Variants in FAM135A observed in about 807,000 individuals in gnomAD.
FAM135A encodes protein FAM135A.
Under a neutral mutation model 146.8 loss-of-function variants are expected in FAM135A, and 79 were observed. The ratio of observed to expected loss-of-function variants is 0.54; its 90% confidence interval spans 0.45 to 0.65. The LOEUF is 0.65. FAM135A is among the 30% of genes least tolerant of loss of function. The probability of loss-of-function intolerance (pLI) is 0.00; values close to 1 mark genes in which losing one functional copy is unlikely to be tolerated. For synonymous variants in FAM135A, 562 were observed against 603.6 expected, an observed-to-expected ratio of 0.93 and a Z score of 1.01; for missense variants, 1,623 against 1,758.2, an observed-to-expected ratio of 0.92 and a Z score of 1.38.
chr6:70,448,198 G>A (rs1263773026), intron 4 of FAM135A, among the ~76,000 whole-genome samples: 2 of 152,096 alleles, frequency 1.3e-5, no homozygotes, highest in Admixed American at 6.5e-5. Flanking sequence ...AGATCTGGAG[G>A]GTCAGGCCAC....
chr6:70,430,693 T>C (rs1771379705), intron 4 of FAM135A, among the ~76,000 whole-genome samples: 1 of 152,216 alleles, frequency 6.6e-6, no homozygotes, highest in African/African-American at 2.4e-5. Flanking sequence ...ACATCTTAAT[T>C]CTTTTAGTGA....
intron 10 of FAM135A, among the ~76,000 whole-genome samples, chr6:70,490,466 G>C (rs1051751207): frequency 1.3e-5 from 2 of 151,870 alleles, no homozygotes; most frequent in African/African-American, 4.8e-5. Context: ...AAGTAAATCA[G>C]AATTCTATGC....
At chr6:70,476,348 A>G (rs983973779) in intron 7 of FAM135A, among the ~76,000 whole-genome samples, 5 of 152,176 alleles carry the variant, frequency 3.3e-5, no homozygotes, top group African/African-American at 1.2e-4. Flanking sequence ...AGTTTTAGCA[A>G]TAATTCTCAA....
At position 70,491,121 on chromosome 6, in the gene FAM135A, T is replaced by G. The variant is rs375716098; in HGVS notation, c.873+38T>G. Reference sequence around the variant, plus strand: ...TTTAAATTCACATCATCAAGTTATTTGAGTGGTTTCTGTTTCCTATTCTAA... The same window carrying G: ...TTTAAATTCACATCATCAAGTTATTGGAGTGGTTTCTGTTTCCTATTCTAA... On this transcript the variant is annotated intron_variant, in intron 11 of 21. Transcript: ENST00000418814. The G allele has an allele frequency of 1.3e-5, 19 of 1,497,706 alleles. No homozygotes were observed. The African/African-American group carries it at 2.2e-4, about 18-fold the overall frequency. 92.8% of individuals were successfully genotyped at this position (1,497,706 alleles called of 1,614,324 possible).
intron 12 of FAM135A, among the ~76,000 whole-genome samples, chr6:70,507,572 T>G (rs7757691): frequency 1.3e-3 from 192 of 152,274 alleles, no homozygotes; most frequent in African/African-American, 4.2e-3. Flanking sequence ...AATCTATACT[T>G]GAAAAGAACA....
At position 70,475,734 on chromosome 6, in the gene FAM135A, G is replaced by T; in HGVS notation, c.368+1G>T. On this transcript the variant is annotated splice_donor_variant, in intron 7 of 21. Transcript: ENST00000418814. LOFTEE classifies it high-confidence loss of function. ...TACACTTCACAGATGGAGATTATTC[G>T]TAAGTAGCTAATCAATTAAAAAACC... The T allele has an allele frequency of 6.2e-7, 1 of 1,602,086 alleles. No homozygotes were observed. Among genetic ancestry groups the T allele is most frequent in the Non-Finnish European group, 8.5e-7 (1 of 1,172,738 alleles).
At chr6:70,500,820 C>A (rs1788331522) in intron 11 of FAM135A, among the ~76,000 whole-genome samples, 1 of 152,248 alleles carries the variant, frequency 6.6e-6, no homozygotes, top group Non-Finnish European at 1.5e-5. Context: ...GGCTGCACAA[C>A]AGCAAAGATG....
At chr6:70,458,339 CT>C (rs1440323015) in intron 5 of FAM135A, among the ~76,000 whole-genome samples, 1 of 152,072 alleles carries the variant, frequency 6.6e-6, no homozygotes, top group Non-Finnish European at 1.5e-5. Context: ...ACAAATATGA[CT>C]TCTCAAGATC....
At chr6:70,506,395 T>C (rs974936729) in intron 12 of FAM135A, among the ~76,000 whole-genome samples, 2 of 152,118 alleles carry the variant, frequency 1.3e-5, no homozygotes, top group Non-Finnish European at 2.9e-5. Context: ...TGGTAAACAT[T>C]TTGGACTTTG....
Position 70,481,047 on chromosome 6 carries a change from A to C in FAM135A, c.669+20A>C, listed in dbSNP as rs1475857364. 6.5e-7 allele frequency: 1 copy of C among 1,543,810 alleles called. No homozygotes were observed. Reference sequence around the variant, plus strand: ...CCAGATGTAAGAACTGAATATGTTTATAAATCTTCTCCTTATTTTAAAAGA... The same window carrying C: ...CCAGATGTAAGAACTGAATATGTTTCTAAATCTTCTCCTTATTTTAAAAGA... On this transcript the variant is annotated intron_variant, in intron 9 of 21. Coordinates refer to ENST00000418814, the MANE Select transcript of FAM135A (RefSeq NM_001162529.3).
chr6:70,486,805 G>C (rs536708841), intron 10 of FAM135A, among the ~76,000 whole-genome samples: 30 of 152,224 alleles, frequency 2.0e-4, no homozygotes, highest in African/African-American at 6.5e-4. Context: ...GCGCATGTCT[G>C]TAATCCCAGC....
At chr6:70,551,593 A>T (rs745521988) in intron 20 of FAM135A, among the ~76,000 whole-genome samples, 5 of 152,230 alleles carry the variant, frequency 3.3e-5, no homozygotes, top group African/African-American at 7.2e-5. Context: ...CCTGGGTCAG[A>T]GTGAGACCCT....
At chr6:70,548,655 A>G (rs1198368291) in intron 20 of FAM135A, among the ~76,000 whole-genome samples, 1 of 152,186 alleles carries the variant, frequency 6.6e-6, no homozygotes, top group African/African-American at 2.4e-5. Context: ...CTTTAATATA[A>G]TTTTATGAAG....
chr6:70,427,834 T>C (rs2127768050), intron 3 of FAM135A, among the ~76,000 whole-genome samples: 1 of 152,328 alleles, frequency 6.6e-6, no homozygotes, highest in South Asian at 2.1e-4. Context: ...AAGTGAAAAG[T>C]GATTTAAGAA....
intron 4 of FAM135A, among the ~76,000 whole-genome samples, chr6:70,434,240 G>T (rs910193424): frequency 6.6e-6 from 1 of 152,288 alleles, no homozygotes; most frequent in African/African-American, 2.4e-5. Flanking sequence ...ATTGCTATTT[G>T]AACACCTGTT....
chr6:70,486,121 T>A, intron 10 of FAM135A: 1 of 1,546,604 alleles, frequency 6.5e-7, no homozygotes, highest in Non-Finnish European at 8.9e-7. Context: ...AGTTTTGTTG[T>A]GAAAGGAGTA....
At position 70,524,507 on chromosome 6, in the gene FAM135A, C is replaced by T. The variant is rs767651847; in HGVS notation, c.1423C>T (p.Gln475Ter). 28 of 1,551,158 alleles carry T rather than the reference C, an allele frequency of 1.8e-5. No individual in the cohort carries two copies. Among genetic ancestry groups the T allele is most frequent in the Non-Finnish European group, 2.4e-5 (27 of 1,146,722 alleles). ...TATTTGGTATACAGAAGGTGAAAAG[C>T]AGCTAACAAAATCTCTAAAAGGAAA... ...SSIWYTEGEK[Q>*]LTKSLKGKNE... The change falls in exon 15 of 22, where the codon CAG becomes TAG. Residue 475 changes from glutamine to a stop codon, truncating the protein, a stop_gained. Transcript: ENST00000418814. LOFTEE classifies it high-confidence loss of function.
At chr6:70,434,608 A>G (rs949355948) in intron 4 of FAM135A, among the ~76,000 whole-genome samples, 1 of 152,248 alleles carries the variant, frequency 6.6e-6, no homozygotes, top group Non-Finnish European at 1.5e-5. Flanking sequence ...TCTGTGTACC[A>G]TATTTGAAGT....
chr6:70,486,589 G>A (rs1226951868), intron 10 of FAM135A, among the ~76,000 whole-genome samples: 1 of 152,072 alleles, frequency 6.6e-6, no homozygotes, highest in African/African-American at 2.4e-5. Flanking sequence ...AATTTGCTCA[G>A]TTATTTTATC....
Sources: allele counts gnomAD v4.1 joint callset (sites outside exome capture counted in the v4.1 genomes callset), GRCh38; gene constraint gnomAD v4.1.1; transcripts MANE v1.5; gene names NCBI Gene and HGNC (gene_info 2026-07-23, HGNC 2026-07-21).